Variants in WSCD2 observed in about 807,000 individuals in gnomAD.
The protein encoded by WSCD2 is WSC domain sialate O sulfotransferase 2.
WSCD2 carries 28 observed loss-of-function variants against 55.7 expected under a neutral mutation model. The observed-to-expected ratio is 0.50, with a 90% confidence interval of 0.37 to 0.69. WSCD2 has a LOEUF of 0.69. Among genes scored for constraint, WSCD2 ranks in the 30% least tolerant of loss-of-function variants. The pLI, the probability that WSCD2 is intolerant of heterozygous loss-of-function variation, is 0.00. For missense variants in WSCD2, 616 were observed against 762.1 expected, an observed-to-expected ratio of 0.81 and a Z score of 2.26; for synonymous variants, 301 against 301.9, an observed-to-expected ratio of 1.00 and a Z score of 0.03.
intron 7 of WSCD2, 35 bp from the exon 8 acceptor site, chr12:108,240,309 C>T: frequency 2.5e-6 from 4 of 1,611,620 alleles, no homozygotes; most frequent in Non-Finnish European, 2.5e-6. Flanking sequence ...TTCCCCAGCT[C>T]ACCAGTCCTG....
intron 6 of WSCD2, 56 bp downstream of exon 6, chr12:108,227,220 C>T (rs2137171424): frequency 1.9e-6 from 3 of 1,565,210 alleles, no homozygotes; most frequent in South Asian, 2.5e-5. Flanking sequence ...GCTTCCCTCC[C>T]AGACGTGTTC....
At chr12:108,207,509 A>G (rs1027246536) in intron 3 of WSCD2, among the ~76,000 whole-genome samples, 2 of 144,464 alleles carry the variant, frequency 1.4e-5, no homozygotes, top group Non-Finnish European at 3.0e-5. Context: ...AGCTGGGACT[A>G]CAGGCGCATG....
At chr12:108,157,722 C>T (rs913283843) in intron 1 of WSCD2, among the ~76,000 whole-genome samples, 2 of 152,148 alleles carry the variant, frequency 1.3e-5, no homozygotes, top group Non-Finnish European at 2.9e-5. Flanking sequence ...GGGGTGAGCT[C>T]CTGCAGTTGT....
At chr12:108,133,598 C>T (rs1364334114) in intron 1 of WSCD2, among the ~76,000 whole-genome samples, 2 of 152,184 alleles carry the variant, frequency 1.3e-5, no homozygotes, top group Non-Finnish European at 2.9e-5. Flanking sequence ...TCTCCCTGCT[C>T]CTCAGGACTG....
intron 1 of WSCD2, among the ~76,000 whole-genome samples, chr12:108,157,299 G>A (rs979228441): frequency 6.6e-6 from 1 of 152,106 alleles, no homozygotes; most frequent in Non-Finnish European, 1.5e-5. Flanking sequence ...AGGGTCATTT[G>A]GCACAACCGA....
At position 108,135,054 on chromosome 12, in the gene WSCD2, C is replaced by T. The variant is rs116575974; in HGVS notation, c.-552+5128C>T. Among the ~76,000 whole-genome samples, 339 of 152,272 alleles carry T rather than the reference C, an allele frequency of 2.2e-3. 1 individual carries two copies. Among genetic ancestry groups the T allele is most frequent in the African/African-American group, 6.4e-3 (266 of 41,544 alleles). ...TTCACTCACCTGGAGGTTTGGTTCG[C>T]GGAAGTGAATCATGTCACAGAAGTG... On this transcript the variant is annotated intron_variant, in intron 1 of 8. Coordinates refer to ENST00000547525, the MANE Select transcript of WSCD2 (RefSeq NM_014653.4).
chr12:108,151,716 C>G (rs577477742), intron 1 of WSCD2, among the ~76,000 whole-genome samples: 2 of 152,226 alleles, frequency 1.3e-5, no homozygotes, highest in Non-Finnish European at 2.9e-5. Flanking sequence ...ACCACACACT[C>G]ACTGGGGACT....
chr12:108,178,439 C>T (rs1288048476), intron 1 of WSCD2, among the ~76,000 whole-genome samples: 1 of 152,194 alleles, frequency 6.6e-6, no homozygotes, highest in Non-Finnish European at 1.5e-5. Context: ...TAGGCCTTTG[C>T]CTGACCCTTC....
intron 3 of WSCD2, 93 bp downstream of exon 3, chr12:108,206,496 G>C: frequency 1.6e-6 from 2 of 1,257,580 alleles, no homozygotes; most frequent in Non-Finnish European, 2.3e-6. Flanking sequence ...GGGAGGGTGT[G>C]TTGAAGGGTG....
chr12:108,248,306 A>G lies in WSCD2; in HGVS notation c.1661A>G (p.Asn554Ser). The change falls in exon 9 of 9, where the codon AAC (asparagine) becomes AGC (serine). Residue 554 changes from asparagine to serine, a missense_variant. Asn to Ser is a conservative substitution (Grantham distance 46). This residue lies in a region of WSCD2 where 234 missense variants were observed against 264.6 expected (regional missense o/e 0.88). Coordinates refer to ENST00000547525, the MANE Select transcript of WSCD2 (RefSeq NM_014653.4). This position sits in a 1 kb window ranked among gnomAD's most constrained non-coding sequence, Gnocchi z 4.3. ...KMVDAALKGR[N>S]LTGVPDDYYP... ...GTGGATGCAGCCCTCAAAGGGCGGA[A>G]CCTAACGGGTGTCCCCGATGACTAC... 2 of 1,613,942 alleles carry G rather than the reference A, an allele frequency of 1.2e-6. No homozygotes were observed. The highest frequency in any genetic ancestry group is 1.7e-6 in the Non-Finnish European group (2 of 1,179,844).
chr12:108,232,972 A>T, intron 7 of WSCD2, 77 bp downstream of exon 7: 1 of 1,547,078 alleles, frequency 6.5e-7, no homozygotes, highest in Non-Finnish European at 8.8e-7. Flanking sequence ...GTATGGGAAT[A>T]CTCCTCCTTG....
At chr12:108,202,787 T>C (rs1263328520) in intron 2 of WSCD2, among the ~76,000 whole-genome samples, 1 of 152,150 alleles carries the variant, frequency 6.6e-6, no homozygotes, top group Non-Finnish European at 1.5e-5. Context: ...AAATAATTTG[T>C]ACAACAAACC....
chr12:108,210,321 C>T lies in WSCD2; in HGVS notation c.682+16C>T. ...GCCCGCAGGTGTACGTGAGTCTGCC[C>T]TGCCCCTCTCTGCTGCTCCTCCCTC... On this transcript the variant is annotated intron_variant, in intron 4 of 8. Transcript: ENST00000547525. This position sits in a 1 kb window ranked among gnomAD's most constrained non-coding sequence, Gnocchi z 4.3. The T allele has an allele frequency of 6.5e-7, 1 of 1,549,014 alleles. No individual in the cohort carries two copies. The highest frequency in any genetic ancestry group is 8.7e-7 in the Non-Finnish European group (1 of 1,151,780).
Position 108,152,070 on chromosome 12 carries a change from G to A in WSCD2, c.-552+22144G>A, listed in dbSNP as rs115285401. Among the ~76,000 whole-genome samples the A allele has an allele frequency of 2.0e-3, 312 of 152,288 alleles. 1 individual carries two copies. Among genetic ancestry groups the A allele is most frequent in the African/African-American group, 7.2e-3 (299 of 41,558 alleles). The stretch of plus-strand genomic sequence containing the variant: ...GGGACGCTGCAGTTGCTCTCACAAT[G>A]AGGGCATTTAGCTGCACTCTGATCC... On this transcript the variant is annotated intron_variant, in intron 1 of 8. Coordinates refer to ENST00000547525, the MANE Select transcript of WSCD2 (RefSeq NM_014653.4).
intron 8 of WSCD2, among the ~76,000 whole-genome samples, chr12:108,243,019 C>A (rs1199034585): frequency 6.6e-6 from 1 of 152,234 alleles, no homozygotes; most frequent in Non-Finnish European, 1.5e-5. Context: ...GGTAGAGAGA[C>A]TTCCTTAAAG....
intron 1 of WSCD2, among the ~76,000 whole-genome samples, chr12:108,133,754 C>T (rs1449848373): frequency 6.6e-6 from 1 of 152,188 alleles, no homozygotes; most frequent in Non-Finnish European, 1.5e-5. Flanking sequence ...CTGCCCCCGC[C>T]TCCCTCACCT....
rs114709207 is a variant in WSCD2, at chr12:108,150,499, T to C, written c.-552+20573T>C. On this transcript the variant is annotated intron_variant, in intron 1 of 8. Transcript: ENST00000547525. Reference sequence around the variant, plus strand: ...AGCGGGACTCAAGCATGCAAAGGAGTGTGTGTGGTGGGGATATTCCAGTGT... The same window carrying C: ...AGCGGGACTCAAGCATGCAAAGGAGCGTGTGTGGTGGGGATATTCCAGTGT... Among the ~76,000 whole-genome samples, 313 of 150,872 alleles carry C rather than the reference T, an allele frequency of 2.1e-3. 1 individual carries two copies. The highest frequency in any genetic ancestry group is 7.3e-3 in the African/African-American group (300 of 41,020).
chr12:108,178,340 C>T (rs1257515141), intron 1 of WSCD2, among the ~76,000 whole-genome samples: 1 of 152,114 alleles, frequency 6.6e-6, no homozygotes, highest in Non-Finnish European at 1.5e-5. Context: ...ATCTGAAAAA[C>T]ACCCCCCCTA....
rs2137263019 is a variant in WSCD2 at position 108,250,108 on chromosome 12, T to A, written c.*1765T>A. 1.3e-5 allele frequency: 2 copies of A among 152,264 alleles called. No homozygotes were observed. The highest frequency in any genetic ancestry group is 1.3e-4 in the Admixed American group (2 of 15,294). 9.4% of individuals were successfully genotyped at this position (152,264 alleles called of 1,614,324 possible). A position where few individuals can be genotyped will look rare whatever the true frequency, so the allele number is the denominator to read the frequency against. On this transcript the variant is annotated 3_prime_UTR_variant, in exon 9 of 9. Coordinates refer to ENST00000547525, the MANE Select transcript of WSCD2 (RefSeq NM_014653.4). ...ACACCATCATTAAATGCGAGTTTTG[T>A]TGATGATTCTACCATGTGGTAGAGT...
Sources: gnomAD v4.1 joint callset for allele counts (sites outside exome capture counted in the v4.1 genomes callset) on GRCh38, gnomAD v4.1.1 for gene constraint, gnomAD v4.1.1 regional missense constraint, Gnocchi (gnomAD v3.1) non-coding constraint, MANE v1.5 for transcripts, NCBI Gene and HGNC (gene_info 2026-07-23, HGNC 2026-07-21) for gene names.